The following MFAP3L variants were observed in gnomAD, a reference collection of about 807,000 sequenced individuals.
MFAP3L encodes the protein microfibrillar-associated protein 3-like.
A neutral mutation model predicts 20.0 loss-of-function variants in MFAP3L; 5 were observed. The ratio of observed to expected loss-of-function variants is 0.25; its 90% CI spans 0.13 to 0.53. The LOEUF is 0.53. Among genes scored for constraint, MFAP3L ranks in the 20% least tolerant of loss-of-function variants. The pLI is 0.96. For missense variants in MFAP3L, 409 were observed against 527.5 expected, an observed-to-expected ratio of 0.78 and a Z score of 2.20; for synonymous variants, 219 against 213.0, an observed-to-expected ratio of 1.03 and a Z score of -0.25.
chr4:169,987,213 T>C lies in MFAP3L; in HGVS notation c.*4165A>G, dbSNP rs1448988196. 1 of 152,172 alleles carries C rather than the reference T, an allele frequency of 6.6e-6. No homozygotes were observed. Among genetic ancestry groups the C allele is most frequent in the Admixed American group, 6.5e-5 (1 of 15,276 alleles). The allele number at this position is 152,172 out of a possible 1,614,324, so 9.4% of individuals were successfully genotyped here. On this transcript the variant is annotated 3_prime_UTR_variant, in exon 3 of 3. Coordinates refer to ENST00000361618, the MANE Select transcript of MFAP3L (RefSeq NM_021647.8). ...GATCAATGAAGAAACCCTAAAAATG[T>C]CATTAGGAAAATAAACTGTGCTATT...
intron 1 of MFAP3L, among the ~76,000 whole-genome samples, chr4:170,014,975 C>T (rs1175210925): frequency 1.3e-5 from 2 of 152,298 alleles, no homozygotes; most frequent in East Asian, 1.9e-4. Context: ...AACAGAAACA[C>T]ATCGAGTGTT....
rs1458064566 is a variant in MFAP3L at position 169,988,657 on chromosome 4, G to T, written c.*2721C>A. 6.6e-6 allele frequency: 1 copy of T among 152,168 alleles called. No individual in the cohort carries two copies. The highest frequency in any genetic ancestry group is 1.9e-4 in the East Asian group (1 of 5,200). The allele number at this position is 152,168 out of a possible 1,614,324, so 9.4% of individuals were successfully genotyped here. A position where few individuals can be genotyped will look rare whatever the true frequency, so the allele number is the denominator to read the frequency against. Reference sequence around the variant, plus strand: ...TTCTGCATTTCATATTCTAGCAGGAGGGCCTCTCATTTCATAAAGAAGCTG... The same window carrying T: ...TTCTGCATTTCATATTCTAGCAGGATGGCCTCTCATTTCATAAAGAAGCTG... On this transcript the variant is annotated 3_prime_UTR_variant, in exon 3 of 3. Coordinates refer to ENST00000361618, the MANE Select transcript of MFAP3L (RefSeq NM_021647.8).
At position 170,024,468 on chromosome 4, in the gene MFAP3L, G is replaced by A. The variant is rs139500049; in HGVS notation, c.-134+1766C>T. On this transcript the variant is annotated intron_variant, in intron 1 of 2. Transcript: ENST00000361618. ...TGAGGATATGAGACCTGCTGTTCAG[G>A]ATAAGGTGTACATGCAGGCAGTACT... 2.7e-4 allele frequency among the ~76,000 whole-genome samples: 41 copies of A among 152,322 alleles called. No individual in the cohort carries two copies. The East Asian group carries it at 6.4e-3, about 24-fold the overall frequency.
intron 1 of MFAP3L, among the ~76,000 whole-genome samples, chr4:170,025,833 T>C (rs959045174): frequency 8.5e-5 from 13 of 152,074 alleles, no homozygotes; most frequent in Non-Finnish European, 1.5e-4. Flanking sequence ...CTCCTCCCTG[T>C]CCGGGTAAAC....
At chr4:170,024,778 T>C (rs1740247758) in intron 1 of MFAP3L, among the ~76,000 whole-genome samples, 2 of 152,176 alleles carry the variant, frequency 1.3e-5, no homozygotes, top group Admixed American at 1.3e-4. Context: ...GCCAACTCTA[T>C]ACTGGGGGAA....
chr4:170,022,631 C>T (rs899810227), intron 1 of MFAP3L, among the ~76,000 whole-genome samples: 1 of 152,110 alleles, frequency 6.6e-6, no homozygotes, highest in Non-Finnish European at 1.5e-5. Flanking sequence ...CAGGTCTTAA[C>T]GAGCCATCAT....
chr4:170,005,736 C>G lies in MFAP3L; in HGVS notation c.142G>C (p.Val48Leu). 1.9e-6 allele frequency: 3 copies of G among 1,614,190 alleles called. No individual in the cohort carries two copies. Among genetic ancestry groups the G allele is most frequent in the Non-Finnish European group, 2.5e-6 (3 of 1,180,030 alleles). ...GTNVVLGSVP[V>L]IIARTDHIIV... Reference sequence around the variant, plus strand: ...ATATGGTCAGTTCTGGCAATGATTACGGGCACAGAGCCCAAGACCACGTTA... The same window carrying G: ...ATATGGTCAGTTCTGGCAATGATTAGGGGCACAGAGCCCAAGACCACGTTA... The change falls in exon 2 of 3, where the codon GTA (valine) becomes CTA (leucine). Residue 48 changes from valine (V) to leucine (L), a missense_variant. Val to Leu is a conservative substitution (Grantham distance 32). This residue lies in a region of MFAP3L where 113 missense variants were observed against 131.1 expected (regional missense o/e 0.86). Coordinates refer to ENST00000361618, the MANE Select transcript of MFAP3L (RefSeq NM_021647.8).
intron 1 of MFAP3L, among the ~76,000 whole-genome samples, chr4:170,015,640 T>C (rs1451788500): frequency 1.3e-5 from 2 of 152,198 alleles, no homozygotes; most frequent in Admixed American, 6.5e-5. Context: ...TCATACCCTC[T>C]CCAGATGCCC....
Position 170,020,728 on chromosome 4 carries a change from C to T in MFAP3L, c.-134+5506G>A, listed in dbSNP as rs895187639. Among the ~76,000 whole-genome samples the T allele has an allele frequency of 3.3e-4, 50 of 151,586 alleles. 2 individuals are homozygous for T. Among genetic ancestry groups the T allele is most frequent in the Admixed American group, 2.6e-3 (39 of 15,184 alleles). ...TTCCTCAACTCCCAGTAGTTCCCCA[C>T]GGCACCACCTCCAGCCACGTTCCCT... On this transcript the variant is annotated intron_variant, in intron 1 of 2. Coordinates refer to ENST00000361618, the MANE Select transcript of MFAP3L (RefSeq NM_021647.8).
chr4:170,025,782 G>C (rs558974530), intron 1 of MFAP3L, among the ~76,000 whole-genome samples: 3 of 152,262 alleles, frequency 2.0e-5, no homozygotes, highest in Non-Finnish European at 4.4e-5. Context: ...TCCCGACGCG[G>C]AACCCGCATT....
chr4:170,013,333 T>C (rs2111040101), intron 1 of MFAP3L, among the ~76,000 whole-genome samples: 1 of 152,292 alleles, frequency 6.6e-6, no homozygotes, highest in East Asian at 1.9e-4. Flanking sequence ...AAGGGACCTT[T>C]ACTACAGTCT....
chr4:169,992,526 G>A lies in MFAP3L; in HGVS notation c.299-217C>T, dbSNP rs74494226. 0.023 allele frequency among the ~76,000 whole-genome samples: 3,466 copies of A among 152,292 alleles called. 151 individuals carry two copies. The highest frequency in any genetic ancestry group is 0.078 in the African/African-American group (3,241 of 41,546). ...CAAGGTGGCCCCTGACACTGCCTCC[G>A]TTTTACAGGATGAGGAAACTGAGGC... On this transcript the variant is annotated intron_variant, in intron 2 of 2. Coordinates refer to ENST00000361618, the MANE Select transcript of MFAP3L (RefSeq NM_021647.8). The surrounding 1 kb of genome is among the most constrained non-coding windows in gnomAD (Gnocchi z 4.3).
intron 2 of MFAP3L, chr4:170,002,050 G>C (rs1174835696): frequency 3.0e-6 from 3 of 985,454 alleles, no homozygotes; most frequent in Non-Finnish European, 3.6e-6. Context: ...GTGACTCACC[G>C]ATGATTTTTG....
At chr4:170,002,320 A>C in intron 2 of MFAP3L, 3 of 870,096 alleles carry the variant, frequency 3.4e-6, no homozygotes, top group African/African-American at 1.8e-5. Context: ...CTGGTTTCTC[A>C]TCTGTATACA....
intron 2 of MFAP3L, chr4:170,003,680 A>C (rs1347484241): frequency 1.0e-6 from 1 of 985,314 alleles, no homozygotes; most frequent in African/African-American, 1.7e-5. Context: ...CCTTTGCTTT[A>C]GGGTCCATGT....
chr4:170,021,843 C>T lies in MFAP3L; in HGVS notation c.-134+4391G>A, dbSNP rs894216052. ...GTTTATGTAGTATTATAGCTGTCAACTCCCACATCCCCCAACACCAACGTC... is the reference window on the plus strand; with the variant it reads ...GTTTATGTAGTATTATAGCTGTCAATTCCCACATCCCCCAACACCAACGTC... On this transcript the variant is annotated intron_variant, in intron 1 of 2. Coordinates refer to ENST00000361618, the MANE Select transcript of MFAP3L (RefSeq NM_021647.8). Among the ~76,000 whole-genome samples the T allele has an allele frequency of 2.6e-5, 4 of 152,198 alleles. No homozygotes were observed. In the East Asian group the frequency reaches 7.7e-4, roughly 29 times the overall value.
intron 1 of MFAP3L, among the ~76,000 whole-genome samples, chr4:170,013,346 TAAAGAG>T (rs1254181796): frequency 6.6e-6 from 1 of 152,126 alleles, no homozygotes; most frequent in South Asian, 2.1e-4. Flanking sequence ...TACAGTCTTT[TAAAGAG>T]AAAAAGAACC....
Position 170,005,602 on chromosome 4 carries a change from C to G in MFAP3L, c.276G>C (p.Glu92Asp). 1 of 1,614,138 alleles carries G rather than the reference C, an allele frequency of 6.2e-7. No individual in the cohort carries two copies. Among genetic ancestry groups the G allele is most frequent in the South Asian group, 1.1e-5 (1 of 91,084 alleles). ...NSIGKLLKEE[E>D]DEKERGGGKW... ...TACCTCCTCCTCTCTCCTTCTCATC[C>G]TCTTCTTCTTTCAGCAGCTTGCCAA... The change falls in exon 2 of 3, where the codon GAG (glutamate) becomes GAC (aspartate). Residue 92 changes from glutamate to aspartate, a missense_variant. Transcript: ENST00000361618.
At chr4:170,010,152 C>T (rs1293938017) in intron 1 of MFAP3L, among the ~76,000 whole-genome samples, 5 of 152,308 alleles carry the variant, frequency 3.3e-5, no homozygotes, top group East Asian at 1.9e-4. Flanking sequence ...CTCATTAAGA[C>T]ATGAATACTA....
Sources: allele counts gnomAD v4.1 joint callset (sites outside exome capture counted in the v4.1 genomes callset), GRCh38; gene constraint gnomAD v4.1.1; regional missense constraint gnomAD v4.1.1; non-coding constraint Gnocchi (gnomAD v3.1); transcripts MANE v1.5; gene names NCBI Gene and HGNC (gene_info 2026-07-23, HGNC 2026-07-21).